COLEC12: variants seen among roughly 807,000 people sequenced by gnomAD.
The protein encoded by COLEC12 is collectin-12.
Under a neutral mutation model 71.1 loss-of-function variants are expected in COLEC12, and 33 were observed. That is an observed-to-expected ratio of 0.46 (90% CI 0.35 to 0.62). The LOEUF is 0.62. COLEC12 is among the 20% of genes least tolerant of loss of function. COLEC12 has a pLI of 0.00. For missense variants in COLEC12, 765 were observed against 916.1 expected (o/e 0.84, Z 2.13); for synonymous variants, 350 against 353.0 (o/e 0.99, Z 0.10).
chr18:378,568 A>G (rs1015243332), intron 2 of COLEC12, among the ~76,000 whole-genome samples: 1 of 152,048 alleles, frequency 6.6e-6, no homozygotes, highest in Admixed American at 6.5e-5. Flanking sequence ...CCAATTCTCG[A>G]CCTCCAGGGC....
chr18:348,519 A>G lies in COLEC12; in HGVS notation c.182-356T>C, dbSNP rs2143478027. Among the ~76,000 whole-genome samples the G allele has an allele frequency of 2.6e-5, 4 of 152,348 alleles. No homozygotes were observed. The South Asian group carries it at 8.3e-4, about 32-fold the overall frequency. ...TAATTTCCATAGATGAAGGCAAGGC[A>G]CACTGTGATAATTTACAAAATGTTG... On this transcript the variant is annotated intron_variant, in intron 3 of 9. Transcript: ENST00000400256.
intron 2 of COLEC12, among the ~76,000 whole-genome samples, chr18:387,849 G>A (rs766672764): frequency 1.3e-5 from 2 of 152,064 alleles, no homozygotes; most frequent in Non-Finnish European, 2.9e-5. Context: ...CCTTATGTAC[G>A]ACAAAACTGG....
chr18:498,520 C>T (rs918458627), intron 1 of COLEC12, among the ~76,000 whole-genome samples: 1 of 151,964 alleles, frequency 6.6e-6, no homozygotes, highest in Non-Finnish European at 1.5e-5. Flanking sequence ...CCACCACGCC[C>T]AGCTAATTTT....
intron 8 of COLEC12, among the ~76,000 whole-genome samples, chr18:323,731 T>G (rs956471493): frequency 7.9e-5 from 12 of 152,316 alleles, no homozygotes; most frequent in African/African-American, 2.9e-4. Context: ...AAATTTGAGA[T>G]CTATGATTCC....
chr18:426,846 G>A (rs1012550152), intron 2 of COLEC12, among the ~76,000 whole-genome samples: 3 of 152,282 alleles, frequency 2.0e-5, no homozygotes, highest in African/African-American at 2.4e-5. Flanking sequence ...CGAAGGATTC[G>A]ATAACTTGCT....
intron 3 of COLEC12, among the ~76,000 whole-genome samples, chr18:351,353 C>A (rs939108174): frequency 1.3e-5 from 2 of 151,880 alleles, no homozygotes; most frequent in African/African-American, 4.8e-5. Flanking sequence ...CTTGTCACTT[C>A]CTGTGGGAAC....
chr18:377,784 C>T (rs1161470423), intron 2 of COLEC12, among the ~76,000 whole-genome samples: 2 of 151,920 alleles, frequency 1.3e-5, no homozygotes, highest in South Asian at 2.1e-4. Flanking sequence ...AGCTGATGAG[C>T]GGCCCAAGAA....
At chr18:472,145 T>C (rs1433535150) in intron 2 of COLEC12, among the ~76,000 whole-genome samples, 2 of 152,174 alleles carry the variant, frequency 1.3e-5, no homozygotes, top group Non-Finnish European at 2.9e-5. Flanking sequence ...ATCCCTGTAT[T>C]CTAGAGGAGG....
intron 7 of COLEC12, among the ~76,000 whole-genome samples, 158 bp from the exon 8 acceptor site, chr18:331,935 G>A (rs148004153): frequency 6.6e-6 from 1 of 152,254 alleles, no homozygotes; most frequent in East Asian, 1.9e-4. Context: ...CTTGCTACTT[G>A]CTTTGTTTTG....
intron 2 of COLEC12, among the ~76,000 whole-genome samples, chr18:456,749 C>T (rs1453441329): frequency 1.3e-5 from 2 of 152,194 alleles, no homozygotes. Context: ...AGCTGTGGAC[C>T]GCAAGCAGTG....
chr18:430,843 T>C (rs187312931), intron 2 of COLEC12, among the ~76,000 whole-genome samples: 1 of 152,156 alleles, frequency 6.6e-6, no homozygotes, highest in Non-Finnish European at 1.5e-5. Flanking sequence ...CAAATATATT[T>C]TGTTAACCCA....
chr18:394,967 A>C (rs1915539112), intron 2 of COLEC12, among the ~76,000 whole-genome samples: 1 of 152,232 alleles, frequency 6.6e-6, no homozygotes, highest in Non-Finnish European at 1.5e-5. Flanking sequence ...TGAAGTCCTA[A>C]TGGACTCAGT....
At chr18:378,302 C>A (rs1915156301) in intron 2 of COLEC12, among the ~76,000 whole-genome samples, 1 of 152,166 alleles carries the variant, frequency 6.6e-6, no homozygotes, top group African/African-American at 2.4e-5. Context: ...GAGCTGAGGG[C>A]ACATCAGAAG....
chr18:391,036 T>C (rs1915453330), intron 2 of COLEC12, among the ~76,000 whole-genome samples: 1 of 152,200 alleles, frequency 6.6e-6, no homozygotes, highest in South Asian at 2.1e-4. Context: ...CTATTACTTT[T>C]TTTACAAAAA....
chr18:499,360 G>A (rs144681257), intron 1 of COLEC12, among the ~76,000 whole-genome samples: 28 of 152,322 alleles, frequency 1.8e-4, no homozygotes, highest in Non-Finnish European at 3.2e-4. Context: ...GAAAGGGAGT[G>A]AATTGGTAGG....
chr18:424,409 G>A (rs774010363), intron 2 of COLEC12: 8 of 152,200 alleles, frequency 5.3e-5, no homozygotes, highest in Non-Finnish European at 1.0e-4. Flanking sequence ...TTATGTGCAG[G>A]AAGCTCCATG....
intron 5 of COLEC12, among the ~76,000 whole-genome samples, chr18:338,279 C>T (rs1254934276): frequency 2.0e-5 from 3 of 152,238 alleles, no homozygotes; most frequent in Non-Finnish European, 4.4e-5. Flanking sequence ...CCATGTCTAG[C>T]CCCTTGTAGG....
intron 2 of COLEC12, among the ~76,000 whole-genome samples, chr18:383,353 T>C (rs1391781269): frequency 1.3e-5 from 2 of 152,066 alleles, no homozygotes; most frequent in East Asian, 3.9e-4. Context: ...TTGGTGCTGT[T>C]AATATGCAAT....
At chr18:421,003 C>A (rs1414126919) in intron 2 of COLEC12, among the ~76,000 whole-genome samples, 1 of 152,194 alleles carries the variant, frequency 6.6e-6, no homozygotes, top group Non-Finnish European at 1.5e-5. Flanking sequence ...ATTATTCAAA[C>A]TAGCCGTTCC....
Sources: allele counts gnomAD v4.1 joint callset (sites outside exome capture counted in the v4.1 genomes callset), GRCh38; gene constraint gnomAD v4.1.1; transcripts MANE v1.5; gene names NCBI Gene and HGNC (gene_info 2026-07-23, HGNC 2026-07-21).